The following BPHL variants were observed in gnomAD, a reference collection of about 807,000 sequenced individuals.
BPHL encodes the protein serine hydrolase BPHL.
A neutral mutation model predicts 31.2 loss-of-function variants in BPHL; 27 were observed. That is an observed-to-expected ratio of 0.87 (90% CI 0.64 to 1.19). The LOEUF is 1.19. Among genes scored for constraint, BPHL ranks in the 50% most tolerant of loss-of-function variants. The pLI is 0.00. For synonymous variants in BPHL, 150 were observed against 146.8 expected, an observed-to-expected ratio of 1.02 and a Z score of -0.16; for missense variants, 356 against 375.7, an observed-to-expected ratio of 0.95 and a Z score of 0.43.
intron 6 of BPHL, among the ~76,000 whole-genome samples, chr6:3,145,628 C>T (rs200089017): frequency 1.7e-3 from 36 of 21,596 alleles, no homozygotes; most frequent in Admixed American, 2.0e-3. Context: ...AGTGCTGGTT[C>T]GGGTTGGAGT....
At chr6:3,142,220 G>A (rs758325381) in intron 6 of BPHL, among the ~76,000 whole-genome samples, 3 of 151,776 alleles carry the variant, frequency 2.0e-5, no homozygotes, top group South Asian at 4.2e-4. Flanking sequence ...CTGGGTTCAA[G>A]TGATTCTCCT....
chr6:3,140,418 C>T lies in BPHL; in HGVS notation c.697C>T (p.Gln233Ter). ...CTGCCGGCACCTGCTGCCCCGGGTC[C>T]AGTGCCCCGCCTTGATTGTGCACGG... Reference protein sequence around the residue: ...NICRHLLPRVQCPALIVHGEK... With the variant: ...NICRHLLPRV The change falls in exon 6 of 7, where the codon CAG (glutamine) becomes TAG (stop). Residue 233 changes from glutamine (Q) to a stop codon, truncating the protein, a stop_gained. Coordinates refer to ENST00000380379, the MANE Select transcript of BPHL (RefSeq NM_004332.4). LOFTEE classifies it high-confidence loss of function. The surrounding 1 kb of genome is among the most constrained non-coding windows in gnomAD (Gnocchi z 5.2). 6.2e-7 allele frequency: 1 copy of T among 1,614,192 alleles called. No homozygotes were observed. The highest frequency in any genetic ancestry group is 8.5e-7 in the Non-Finnish European group (1 of 1,180,040).
chr6:3,131,120 T>C (rs1440326901), intron 4 of BPHL, among the ~76,000 whole-genome samples: 1 of 152,182 alleles, frequency 6.6e-6, no homozygotes, highest in East Asian at 1.9e-4. Flanking sequence ...CACTCCTACC[T>C]GTGGTTACTA....
At chr6:3,119,243 T>G (rs1443213329) in intron 1 of BPHL, 7 of 1,510,090 alleles carry the variant, frequency 4.6e-6, no homozygotes, top group Non-Finnish European at 6.2e-6. Context: ...GAGTCCACAC[T>G]AAGGGCATAA....
intron 6 of BPHL, among the ~76,000 whole-genome samples, chr6:3,144,359 A>ACTTGGC (rs1215069255): frequency 3.5e-5 from 5 of 143,340 alleles, no homozygotes; most frequent in African/African-American, 1.3e-4. Context: ...AAGCCACTGC[A>ACTTGGC]CTTGGCCTTC....
In BPHL at chr6:3,144,372, C is replaced by CT. The variant is rs58022650; in HGVS notation, c.788+3881dup. 6.5e-3 allele frequency among the ~76,000 whole-genome samples: 419 copies of CT among 64,718 alleles called. 3 individuals carry two copies. The highest frequency in any genetic ancestry group is 9.4e-3 in the Non-Finnish European group (281 of 29,756). 42.5% of individuals were successfully genotyped at this position (64,718 alleles called of 152,430 possible). A position where few individuals can be genotyped will look rare whatever the true frequency, so the allele number is the denominator to read the frequency against. ...ATAAGCCACTGCACTTGGCCTTCTT[C>CT]TTTTTTTTTTTTTTTTTTGTTTTTT... On this transcript the variant is annotated intron_variant, in intron 6 of 6. Coordinates refer to ENST00000380379, the MANE Select transcript of BPHL (RefSeq NM_004332.4).
chr6:3,124,863 G>A (rs377546185), intron 2 of BPHL, among the ~76,000 whole-genome samples: 6 of 152,160 alleles, frequency 3.9e-5, no homozygotes, highest in Non-Finnish European at 5.9e-5. Flanking sequence ...TCAGCGGATC[G>A]TGGCACTGTT....
chr6:3,152,766 G>A lies in BPHL; in HGVS notation c.*191G>A. The A allele has an allele frequency of 5.9e-6, 3 of 505,730 alleles. No homozygotes were observed. Among genetic ancestry groups the A allele is most frequent in the Non-Finnish European group, 1.0e-5 (3 of 290,372 alleles). 31.3% of individuals were successfully genotyped at this position (505,730 alleles called of 1,614,324 possible). On this transcript the variant is annotated 3_prime_UTR_variant, in exon 7 of 7. Transcript: ENST00000380379. The stretch of plus-strand genomic sequence containing the variant: ...TTCAGGCTGGGCACGGTGGCTCACA[G>A]CTATAATCTCAGCACTTTGGGAGGC...
chr6:3,134,436 T>C (rs530847184), intron 4 of BPHL, among the ~76,000 whole-genome samples: 167 of 148,096 alleles, frequency 1.1e-3, no homozygotes, highest in African/African-American at 4.0e-3. Flanking sequence ...TTCTTTTCTT[T>C]CCTTTTTTTT....
At chr6:3,142,937 A>G (rs905941339) in intron 6 of BPHL, among the ~76,000 whole-genome samples, 4 of 152,128 alleles carry the variant, frequency 2.6e-5, no homozygotes, top group African/African-American at 9.7e-5. Flanking sequence ...TATAGGAGAA[A>G]AACACCCTTA....
At chr6:3,137,897 C>T (rs1220552468) in intron 5 of BPHL, 1 of 906,382 alleles carries the variant, frequency 1.1e-6, no homozygotes, top group Non-Finnish European at 1.5e-6. Context: ...TTAGATGTGT[C>T]TCCCCACGAG....
intron 2 of BPHL, chr6:3,124,085 CA>C (rs2113746639): frequency 5.9e-6 from 1 of 169,676 alleles, no homozygotes; most frequent in African/African-American, 2.4e-5. Context: ...AGTGGGTAAT[CA>C]GTCATCCTAG....
intron 3 of BPHL, 116 bp from the exon 4 acceptor site, chr6:3,128,929 C>G: frequency 6.8e-7 from 1 of 1,477,908 alleles, no homozygotes; most frequent in Non-Finnish European, 9.4e-7. Flanking sequence ...TTTTTCTTTT[C>G]TGACTAATTG....
In BPHL at chr6:3,140,149, T is replaced by C. The variant is rs1163197568; in HGVS notation, c.665-237T>C. Reference sequence around the variant, plus strand: ...TTATGCGAATTTAAATCAGGCTGCTTATTTACTAGTAGAACTCAGAAACAG... The same window carrying C: ...TTATGCGAATTTAAATCAGGCTGCTCATTTACTAGTAGAACTCAGAAACAG... On this transcript the variant is annotated intron_variant, in intron 5 of 6. Coordinates refer to ENST00000380379, the MANE Select transcript of BPHL (RefSeq NM_004332.4). This position sits in a 1 kb window ranked among gnomAD's most constrained non-coding sequence, Gnocchi z 5.2. The C allele has an allele frequency of 1.9e-6, 1 of 527,664 alleles. No individual in the cohort carries two copies. The highest frequency in any genetic ancestry group is 3.3e-6 in the Non-Finnish European group (1 of 300,434). 32.7% of individuals were successfully genotyped at this position (527,664 alleles called of 1,614,324 possible).
Position 3,140,322 on chromosome 6 carries a change from C to T in BPHL, c.665-64C>T, listed in dbSNP as rs1762136501. ...AGGAGGGGCAGGGCTCGCCGAGTTT[C>T]GCCTCCTCTGACCGCGTAGAATGGT... On this transcript the variant is annotated intron_variant, in intron 5 of 6. Coordinates refer to ENST00000380379, the MANE Select transcript of BPHL (RefSeq NM_004332.4). The surrounding 1 kb of genome is among the most constrained non-coding windows in gnomAD (Gnocchi z 5.2). 3 of 1,586,040 alleles carry T rather than the reference C, an allele frequency of 1.9e-6. No homozygotes were observed. The highest frequency in any genetic ancestry group is 1.1e-5 in the South Asian group (1 of 88,608).
Position 3,152,736 on chromosome 6 carries a change from C to T in BPHL, c.*161C>T, listed in dbSNP as rs575215749. 8 of 617,596 alleles carry T rather than the reference C, an allele frequency of 1.3e-5. No individual in the cohort carries two copies. Among genetic ancestry groups the T allele is most frequent in the Non-Finnish European group, 2.1e-5 (8 of 372,654 alleles). 38.3% of individuals were successfully genotyped at this position (617,596 alleles called of 1,614,324 possible). A position where few individuals can be genotyped will look rare whatever the true frequency, so the allele number is the denominator to read the frequency against. On this transcript the variant is annotated 3_prime_UTR_variant, in exon 7 of 7. Coordinates refer to ENST00000380379, the MANE Select transcript of BPHL (RefSeq NM_004332.4). ...AATAATGACATATTGAAAACAGCCT[C>T]TAGCTTCAGGCTGGGCACGGTGGCT...
Position 3,145,453 on chromosome 6 carries a change from G to T in BPHL, c.788+4944G>T, listed in dbSNP as rs113845498. On this transcript the variant is annotated intron_variant, in intron 6 of 6. Coordinates refer to ENST00000380379, the MANE Select transcript of BPHL (RefSeq NM_004332.4). ...GTTCAGGGTGGAGCGCTGGTTCGGG[G>T]TGGAGTGCTGGTTTGGGTTTGAATG... Among the ~76,000 whole-genome samples the T allele has an allele frequency of 7.1e-5, 5 of 69,992 alleles. 1 individual carries two copies. The highest frequency in any genetic ancestry group is 2.5e-4 in the African/African-American group (5 of 20,144). The allele number at this position is 69,992 out of a possible 152,430, so 45.9% of individuals were successfully genotyped here.
intron 4 of BPHL, among the ~76,000 whole-genome samples, chr6:3,136,092 C>T (rs1057464218): frequency 2.0e-5 from 3 of 152,230 alleles, no homozygotes; most frequent in Non-Finnish European, 2.9e-5. Flanking sequence ...TTTCCATTAA[C>T]CACTGCAACT....
intron 6 of BPHL, among the ~76,000 whole-genome samples, chr6:3,150,751 A>T (rs933236412): frequency 2.6e-5 from 4 of 152,224 alleles, no homozygotes; most frequent in African/African-American, 9.6e-5. Flanking sequence ...AGGAACACAC[A>T]ACAGAGTTTC....
Sources: allele counts gnomAD v4.1 joint callset (sites outside exome capture counted in the v4.1 genomes callset), GRCh38; gene constraint gnomAD v4.1.1; non-coding constraint Gnocchi (gnomAD v3.1); transcripts MANE v1.5; gene names NCBI Gene and HGNC (gene_info 2026-07-23, HGNC 2026-07-21).